The following KCNH8 variants were observed in gnomAD, a reference collection of about 807,000 sequenced individuals.
The protein encoded by KCNH8 is voltage-gated delayed rectifier potassium channel KCNH8.
KCNH8 carries 70 observed loss-of-function variants against 103.6 expected under a neutral mutation model. That is an observed-to-expected ratio of 0.68 (90% confidence interval 0.56 to 0.82). The LOEUF is 0.82. KCNH8 is among the 40% of genes least tolerant of loss of function. The pLI is 0.00. For missense variants in KCNH8, 1,217 were observed against 1,329.9 expected, an observed-to-expected ratio of 0.92 and a Z score of 1.32; for synonymous variants, 498 against 489.4, an observed-to-expected ratio of 1.02 and a Z score of -0.23.
intron 3 of KCNH8, among the ~76,000 whole-genome samples, chr3:19,288,912 G>C (rs889710209): frequency 6.6e-6 from 1 of 152,120 alleles, no homozygotes; most frequent in African/African-American, 2.4e-5. Context: ...ACTTTTTAAT[G>C]ATTGCCATTC....
intron 5 of KCNH8, among the ~76,000 whole-genome samples, chr3:19,355,833 G>A (rs1247603532): frequency 6.6e-6 from 1 of 151,816 alleles, no homozygotes; most frequent in African/African-American, 2.4e-5. Context: ...GTATACATAT[G>A]TAACAAACCT....
chr3:19,253,632 T>G (rs780738930), intron 1 of KCNH8, 22 bp from the exon 2 acceptor site: 11 of 1,543,792 alleles, frequency 7.1e-6, no homozygotes, highest in Non-Finnish European at 9.9e-6. Context: ...TTGCTGAGTA[T>G]CTTCTCCTTG....
chr3:19,241,911 A>G (rs1331185234), intron 1 of KCNH8, among the ~76,000 whole-genome samples: 1 of 152,172 alleles, frequency 6.6e-6, no homozygotes, highest in Non-Finnish European at 1.5e-5. Context: ...ATAGGCCATG[A>G]TGATAGAGAA....
At chr3:19,483,653 G>A (rs2068137524) in intron 11 of KCNH8, among the ~76,000 whole-genome samples, 1 of 152,108 alleles carries the variant, frequency 6.6e-6, no homozygotes, top group African/African-American at 2.4e-5. Context: ...TGGAATTTCT[G>A]GTACTGGCAC....
intron 11 of KCNH8, among the ~76,000 whole-genome samples, chr3:19,462,524 G>A (rs986945042): frequency 3.3e-5 from 5 of 152,058 alleles, no homozygotes; most frequent in African/African-American, 1.2e-4. Flanking sequence ...TAAGTTCTTT[G>A]TAGATTCCGG....
intron 2 of KCNH8, among the ~76,000 whole-genome samples, chr3:19,268,302 T>G (rs557126383): frequency 2.5e-4 from 38 of 152,090 alleles, no homozygotes; most frequent in African/African-American, 8.7e-4. Flanking sequence ...TCAAGGAAAT[T>G]ATATTTGAGT....
chr3:19,348,273 C>T (rs970779594), intron 5 of KCNH8, among the ~76,000 whole-genome samples: 2 of 152,154 alleles, frequency 1.3e-5, no homozygotes, highest in Middle Eastern at 6.8e-3. Flanking sequence ...TGATCTTAAA[C>T]TGGTAGGGTC....
At chr3:19,151,964 A>G (rs2063134446) in intron 1 of KCNH8, among the ~76,000 whole-genome samples, 2 of 152,094 alleles carry the variant, frequency 1.3e-5, no homozygotes, top group African/African-American at 2.4e-5. Context: ...AGAACCTTAG[A>G]AATCTTAAAT....
At chr3:19,304,179 G>T (rs1188902202) in intron 3 of KCNH8, among the ~76,000 whole-genome samples, 5 of 152,092 alleles carry the variant, frequency 3.3e-5, no homozygotes, top group African/African-American at 1.2e-4. Flanking sequence ...AAATAACCTG[G>T]ACAGCCCATG....
intron 11 of KCNH8, among the ~76,000 whole-genome samples, chr3:19,478,741 C>G (rs1288557208): frequency 6.6e-6 from 1 of 152,022 alleles, no homozygotes; most frequent in East Asian, 1.9e-4. Context: ...CAAAATTTGA[C>G]TGTAAGACTA....
At chr3:19,224,906 C>G (rs2063913311) in intron 1 of KCNH8, among the ~76,000 whole-genome samples, 1 of 151,988 alleles carries the variant, frequency 6.6e-6, no homozygotes, top group Non-Finnish European at 1.5e-5. Flanking sequence ...GACAGACATA[C>G]AGAATTCTAA....
At position 19,390,528 on chromosome 3, in the gene KCNH8, G is replaced by A. The variant is rs1269985406; in HGVS notation, c.859G>A (p.Val287Ile). Residue 287 changes from valine to isoleucine, a missense_variant, in exon 6 of 16, where the codon GTT becomes ATT. Physicochemically the swap from Val to Ile is conservative, Grantham distance 29 (BLOSUM62 3). Transcript: ENST00000328405. Reference sequence around the variant, plus strand: ...AACTTATGTCAGCAAGTCTGGCCAAGTTATCTTTGAAGCAAGATCAATTTG... The same window carrying A: ...AACTTATGTCAGCAAGTCTGGCCAAATTATCTTTGAAGCAAGATCAATTTG... Reference protein sequence around the residue: ...RTTYVSKSGQVIFEARSICIH... With the variant: ...RTTYVSKSGQIIFEARSICIH... 4 of 1,613,106 alleles carry A rather than the reference G, an allele frequency of 2.5e-6. No individual in the cohort carries two copies. The highest frequency in any genetic ancestry group is 3.4e-6 in the Non-Finnish European group (4 of 1,179,456).
At chr3:19,408,473 C>A (rs909669463) in intron 7 of KCNH8, among the ~76,000 whole-genome samples, 3 of 151,994 alleles carry the variant, frequency 2.0e-5, no homozygotes, top group African/African-American at 7.2e-5. Flanking sequence ...GTAGTGACAC[C>A]ACCAAAGGAC....
At chr3:19,501,663 C>T (rs987830060) in intron 11 of KCNH8, among the ~76,000 whole-genome samples, 1 of 152,066 alleles carries the variant, frequency 6.6e-6, no homozygotes, top group Admixed American at 6.6e-5. Context: ...TAAACAGAAC[C>T]AAAGACAAAA....
In KCNH8 at chr3:19,295,469, C is replaced by T. The variant is rs372497413; in HGVS notation, c.442+14140C>T. ...AACAGCCAGAGCCATATAACTTGAC[C>T]GCCTGTATGGATATACATTCTTGAT... On this transcript the variant is annotated intron_variant, in intron 3 of 15. Transcript: ENST00000328405. Among the ~76,000 whole-genome samples, 71 of 152,066 alleles carry T rather than the reference C, an allele frequency of 4.7e-4. 1 individual carries two copies. In the South Asian group the frequency reaches 0.012, roughly 25 times the overall value.
At position 19,405,177 on chromosome 3, in the gene KCNH8, G is replaced by A. The variant is rs1242928241; in HGVS notation, c.1177+9866G>A. On this transcript the variant is annotated intron_variant, in intron 7 of 15. Transcript: ENST00000328405. ...CTCCATTTATTTAAAATATTATTCTGTATAATTAAGTGAAATTGTGTAATT... is the reference window on the plus strand; with the variant it reads ...CTCCATTTATTTAAAATATTATTCTATATAATTAAGTGAAATTGTGTAATT... Among the ~76,000 whole-genome samples, 5 of 151,836 alleles carry A rather than the reference G, an allele frequency of 3.3e-5. No individual in the cohort carries two copies. In the East Asian group the frequency reaches 9.7e-4, roughly 29 times the overall value.
chr3:19,321,786 C>T lies in KCNH8; in HGVS notation c.443-20801C>T, dbSNP rs936244026. ...AGTGCTGTCAGTGGGGTATTGAAGT[C>T]CCCCACTATTATTGTGTTGCTGTCT... is the stretch of plus-strand genomic sequence containing the variant. On this transcript the variant is annotated intron_variant, in intron 3 of 15. Coordinates refer to ENST00000328405, the MANE Select transcript of KCNH8 (RefSeq NM_144633.3). Among the ~76,000 whole-genome samples the T allele has an allele frequency of 2.0e-5, 3 of 151,364 alleles. No homozygotes were observed. The Admixed American group carries it at 2.0e-4, about 10-fold the overall frequency.
chr3:19,149,459 T>C (rs1396126311), intron 1 of KCNH8, among the ~76,000 whole-genome samples: 1 of 152,120 alleles, frequency 6.6e-6, no homozygotes, highest in African/African-American at 2.4e-5. Context: ...AGTTTTTTTT[T>C]TTTGAGTACG....
At chr3:19,359,740 TAAGC>T (rs1232929473) in intron 5 of KCNH8, among the ~76,000 whole-genome samples, 1 of 152,040 alleles carries the variant, frequency 6.6e-6, no homozygotes, top group Non-Finnish European at 1.5e-5. Flanking sequence ...TGAAATGAAA[TAAGC>T]AAGATTAGTT....
Sources: gnomAD v4.1 joint callset for allele counts (sites outside exome capture counted in the v4.1 genomes callset) on GRCh38, gnomAD v4.1.1 for gene constraint, MANE v1.5 for transcripts, NCBI Gene and HGNC (gene_info 2026-07-23, HGNC 2026-07-21) for gene names.